Variants in ALK observed in about 807,000 individuals in gnomAD.
The protein encoded by ALK is ALK tyrosine kinase receptor.
In ALK, 74 loss-of-function variants were observed where a neutral mutation model predicts 163.1. That is an observed-to-expected ratio of 0.45 (90% confidence interval 0.38 to 0.55). The LOEUF (loss-of-function observed/expected upper bound fraction) is 0.55, where lower values mean the gene tolerates loss of function less well. Ranked by LOEUF, ALK falls within the 20% of genes least tolerant of loss-of-function variation. The pLI is 0.00. For missense variants in ALK, 2,063 were observed against 2,105.3 expected (o/e 0.98, Z 0.39); for synonymous variants, 960 against 843.2 (o/e 1.14, Z -2.40).
chr2:29,858,549 G>A (rs949434699), intron 1 of ALK, among the ~76,000 whole-genome samples: 15 of 150,132 alleles, frequency 1.0e-4, no homozygotes, highest in African/African-American at 3.0e-4. Flanking sequence ...ACTGACCAAC[G>A]TGGCGAAACT....
chr2:29,716,472 A>C (rs1679258031), intron 2 of ALK, among the ~76,000 whole-genome samples: 1 of 152,186 alleles, frequency 6.6e-6, no homozygotes, highest in African/African-American at 2.4e-5. Context: ...AAATCTTCTC[A>C]TTGCAGAGAC....
intron 24 of ALK, 102 bp downstream of exon 24, chr2:29,213,882 A>G (rs748341660): frequency 2.8e-5 from 27 of 975,434 alleles, no homozygotes; most frequent in Non-Finnish European, 4.3e-5. Context: ...AGGGAGACCT[A>G]GTATTCTGCT....
intron 1 of ALK, among the ~76,000 whole-genome samples, chr2:29,880,554 A>T (rs1355867584): frequency 6.6e-6 from 1 of 152,218 alleles, no homozygotes; most frequent in Non-Finnish European, 1.5e-5. Context: ...CTCCTACTTT[A>T]TAAGTCCCCA....
chr2:29,756,164 C>T (rs1573610123), intron 1 of ALK, among the ~76,000 whole-genome samples: 1 of 152,328 alleles, frequency 6.6e-6, no homozygotes, highest in East Asian at 1.9e-4. Context: ...CATGCAGTTC[C>T]CTTGGACTAC....
At chr2:29,332,401 C>G (rs995198852) in intron 5 of ALK, among the ~76,000 whole-genome samples, 2 of 146,910 alleles carry the variant, frequency 1.4e-5, no homozygotes, top group African/African-American at 5.0e-5. Flanking sequence ...TCCCAATGGG[C>G]ATGGGTGTTT....
chr2:29,748,848 C>T (rs909752015), intron 1 of ALK, among the ~76,000 whole-genome samples: 1 of 152,036 alleles, frequency 6.6e-6, no homozygotes, highest in Non-Finnish European at 1.5e-5. Context: ...TGGGTTCAAG[C>T]GATTCTCGTG....
At chr2:29,412,074 T>C (rs1669737750) in intron 4 of ALK, among the ~76,000 whole-genome samples, 1 of 152,226 alleles carries the variant, frequency 6.6e-6, no homozygotes, top group African/African-American at 2.4e-5. Context: ...ACAAATGTTA[T>C]GTCCAGGTAG....
At chr2:29,908,808 A>G (rs1667621251) in intron 1 of ALK, among the ~76,000 whole-genome samples, 1 of 152,168 alleles carries the variant, frequency 6.6e-6, no homozygotes, top group Admixed American at 6.5e-5. Flanking sequence ...CAGCTGCACC[A>G]TTTGTTTAGC....
chr2:29,551,414 A>G (rs1673710501), intron 3 of ALK, among the ~76,000 whole-genome samples: 1 of 152,282 alleles, frequency 6.6e-6, no homozygotes, highest in South Asian at 2.1e-4. Flanking sequence ...ATATATATTT[A>G]GGATATAATT....
intron 4 of ALK, among the ~76,000 whole-genome samples, chr2:29,503,922 A>C (rs1440375456): frequency 3.9e-5 from 6 of 152,014 alleles, no homozygotes; most frequent in African/African-American, 1.4e-4. Context: ...AGGTTGGTGC[A>C]AAAGTAATTG....
At chr2:29,820,820 T>C (rs1009929389) in intron 1 of ALK, among the ~76,000 whole-genome samples, 21 of 152,196 alleles carry the variant, frequency 1.4e-4, no homozygotes, top group Non-Finnish European at 5.9e-5. Context: ...ACCCAGCACT[T>C]GCCAAATGGG....
intron 13 of ALK, among the ~76,000 whole-genome samples, chr2:29,236,690 C>G (rs895318286): frequency 6.6e-6 from 1 of 152,104 alleles, no homozygotes; most frequent in African/African-American, 2.4e-5. Context: ...CTCTTGCATC[C>G]TCTCCTACCT....
rs115755755 is a variant in ALK, at chr2:29,246,549, G to A, written c.2204+4556C>T. 2.0e-5 allele frequency among the ~76,000 whole-genome samples: 3 copies of A among 152,092 alleles called. No individual in the cohort carries two copies. Among genetic ancestry groups the A allele is most frequent in the Admixed American group, 6.5e-5 (1 of 15,276 alleles). ...AGGCCTCCTGATCAGGGCCCCTCTC[G>A]CTGCTGCCCTGGCCTTGCCTGTTCT... On this transcript the variant is annotated intron_variant, in intron 12 of 28. Coordinates refer to ENST00000389048, the MANE Select transcript of ALK (RefSeq NM_004304.5). This position sits in a 1 kb window ranked among gnomAD's most constrained non-coding sequence, Gnocchi z 4.3.
chr2:29,330,677 G>C (rs990189882), intron 5 of ALK, among the ~76,000 whole-genome samples: 2 of 152,184 alleles, frequency 1.3e-5, no homozygotes, highest in African/African-American at 4.8e-5. Context: ...TCTTTAGCTG[G>C]AGATATTAAC....
Position 29,572,037 on chromosome 2 carries a change from C to G in ALK, c.953-39921G>C, listed in dbSNP as rs998592779. On this transcript the variant is annotated intron_variant, in intron 3 of 28. Coordinates refer to ENST00000389048, the MANE Select transcript of ALK (RefSeq NM_004304.5). The stretch of plus-strand genomic sequence containing the variant: ...GACTGAGGGATGAAAAGACCAAGAA[C>G]CAATGTTAGGGAAAGGAGCTCAGCT... Among the ~76,000 whole-genome samples the G allele has an allele frequency of 2.0e-5, 3 of 152,126 alleles. No individual in the cohort carries two copies. The East Asian group carries it at 5.8e-4, about 29-fold the overall frequency.
intron 2 of ALK, among the ~76,000 whole-genome samples, chr2:29,695,224 G>A (rs532680169): frequency 1.1e-4 from 16 of 152,194 alleles, no homozygotes; most frequent in African/African-American, 3.6e-4. Context: ...CATATTACGG[G>A]AGATGTTCTC....
chr2:29,635,152 G>C (rs1676483627), intron 3 of ALK, among the ~76,000 whole-genome samples: 1 of 152,114 alleles, frequency 6.6e-6, no homozygotes. Context: ...TAAATGGAAA[G>C]AATACTAAGT....
chr2:29,290,726 A>G (rs561566757), intron 9 of ALK, among the ~76,000 whole-genome samples: 1 of 152,382 alleles, frequency 6.6e-6, no homozygotes, highest in South Asian at 2.1e-4. Context: ...GACTTGGTAC[A>G]TGAATAGATA....
At chr2:29,352,174 C>A (rs1668133754) in intron 5 of ALK, among the ~76,000 whole-genome samples, 2 of 152,206 alleles carry the variant, frequency 1.3e-5, no homozygotes, top group Non-Finnish European at 2.9e-5. Flanking sequence ...GCACCCTCAC[C>A]CTCACTGCTA....
Sources: gnomAD v4.1 joint callset for allele counts (sites outside exome capture counted in the v4.1 genomes callset) on GRCh38, gnomAD v4.1.1 for gene constraint, Gnocchi (gnomAD v3.1) non-coding constraint, MANE v1.5 for transcripts, NCBI Gene and HGNC (gene_info 2026-07-23, HGNC 2026-07-21) for gene names.